PRDM16: variants seen among roughly 807,000 people sequenced by gnomAD.
PRDM16 encodes the protein histone-lysine N-methyltransferase PRDM16.
PRDM16 carries 23 observed loss-of-function variants against 110.6 expected under a neutral mutation model. The observed-to-expected ratio is 0.21, with a 90% CI of 0.15 to 0.29. The LOEUF is 0.29. PRDM16 is among the 10% of genes least tolerant of loss of function. The pLI, the probability that PRDM16 is intolerant of heterozygous loss-of-function variation, is 1.00. For synonymous variants in PRDM16, 799 were observed against 781.8 expected (o/e 1.02, Z -0.37); for missense variants, 1,615 against 1,794.3 (o/e 0.90, Z 1.81).
intron 1 of PRDM16, among the ~76,000 whole-genome samples, chr1:3,072,645 C>T (rs112356298): frequency 6.6e-6 from 1 of 152,216 alleles, no homozygotes; most frequent in Non-Finnish European, 1.5e-5. Flanking sequence ...TGGGCCCTCC[C>T]TTCTCCCACC....
chr1:3,342,089 G>A (rs892931105), intron 3 of PRDM16, among the ~76,000 whole-genome samples: 4 of 152,186 alleles, frequency 2.6e-5, no homozygotes, highest in African/African-American at 7.2e-5. Context: ...GAGGCAGCTA[G>A]GGAAACCCAG....
intron 2 of PRDM16, among the ~76,000 whole-genome samples, chr1:3,225,647 A>G (rs1257595029): frequency 6.7e-6 from 1 of 149,974 alleles, no homozygotes; most frequent in Non-Finnish European, 1.5e-5. Context: ...AAGAATTCTA[A>G]CTTATTTTGG....
At chr1:3,268,210 G>A (rs144786608) in intron 3 of PRDM16, among the ~76,000 whole-genome samples, 1 of 152,202 alleles carries the variant, frequency 6.6e-6, no homozygotes, top group Non-Finnish European at 1.5e-5. Context: ...CCGGCTCGGC[G>A]CGCGTCAGAC....
intron 1 of PRDM16, among the ~76,000 whole-genome samples, chr1:3,171,653 C>CCCT (rs1294667504): frequency 1.3e-5 from 2 of 152,202 alleles, no homozygotes; most frequent in Non-Finnish European, 2.9e-5. Flanking sequence ...TCCTGTCCTG[C>CCCT]CCTCCTCGGG....
rs539334784 is a variant in PRDM16 at position 3,087,972 on chromosome 1, T to C, written c.37+18676T>C. ...CCTCCGTCCCCCGAGACACCCCTGC[T>C]CTTTGGCCTTGGTGCCGCCTTCTTC... is the stretch of plus-strand genomic sequence containing the variant. On this transcript the variant is annotated intron_variant, in intron 1 of 16. Coordinates refer to ENST00000270722, the MANE Select transcript of PRDM16 (RefSeq NM_022114.4). Among the ~76,000 whole-genome samples, 32 of 152,074 alleles carry C rather than the reference T, an allele frequency of 2.1e-4. No homozygotes were observed. The South Asian group carries it at 6.1e-3, about 29-fold the overall frequency.
chr1:3,089,261 A>G (rs1642219275), intron 1 of PRDM16, among the ~76,000 whole-genome samples: 1 of 152,208 alleles, frequency 6.6e-6, no homozygotes, highest in South Asian at 2.1e-4. Context: ...AACTCCTTGC[A>G]CCCAGCTCCC....
At chr1:3,408,829 T>C (rs1643612558) in intron 8 of PRDM16, among the ~76,000 whole-genome samples, 1 of 130,486 alleles carries the variant, frequency 7.7e-6, no homozygotes, top group Non-Finnish European at 1.6e-5. Flanking sequence ...CGTGAGCTGG[T>C]GCGTGTGTTG....
intron 1 of PRDM16, among the ~76,000 whole-genome samples, chr1:3,112,661 G>A (rs899386043): frequency 3.3e-5 from 5 of 152,252 alleles, no homozygotes; most frequent in Admixed American, 6.5e-5. Flanking sequence ...TGGCCGGGCC[G>A]CATTCCTGCA....
At chr1:3,241,329 A>G (rs1018853808) in intron 2 of PRDM16, among the ~76,000 whole-genome samples, 1 of 152,190 alleles carries the variant, frequency 6.6e-6, no homozygotes, top group African/African-American at 2.4e-5. Flanking sequence ...CCGTGGTTCC[A>G]CGCTGGGCTC....
At chr1:3,087,179 C>T (rs188868260) in intron 1 of PRDM16, among the ~76,000 whole-genome samples, 8 of 147,590 alleles carry the variant, frequency 5.4e-5, no homozygotes, top group East Asian at 2.0e-4. Context: ...CAGCCCCACC[C>T]GAGACCAGCC....
rs921296808 is a variant in PRDM16 at position 3,184,634 on chromosome 1, G to A, written c.38-1491G>A. Among the ~76,000 whole-genome samples, 13 of 152,298 alleles carry A rather than the reference G, an allele frequency of 8.5e-5. 1 individual carries two copies. Among genetic ancestry groups the A allele is most frequent in the East Asian group, 3.9e-4 (2 of 5,176 alleles). ...GGGGGCGATTCAGTGGCAGTGAGCC[G>A]TTCACCCAGCAGTGCGACCACCCCC... On this transcript the variant is annotated intron_variant, in intron 1 of 16. Coordinates refer to ENST00000270722, the MANE Select transcript of PRDM16 (RefSeq NM_022114.4).
chr1:3,389,139 C>T (rs894542969), intron 4 of PRDM16, among the ~76,000 whole-genome samples: 1 of 152,192 alleles, frequency 6.6e-6, no homozygotes, highest in Non-Finnish European at 1.5e-5. Flanking sequence ...GCCATGTGCT[C>T]CTCTGCAGCC....
At chr1:3,224,761 T>G (rs1025499703) in intron 2 of PRDM16, among the ~76,000 whole-genome samples, 6 of 152,230 alleles carry the variant, frequency 3.9e-5, no homozygotes, top group Non-Finnish European at 7.3e-5. Flanking sequence ...GAACCCCTAC[T>G]GTGAAGCCAG....
At chr1:3,311,795 G>C (rs1641467033) in intron 3 of PRDM16, among the ~76,000 whole-genome samples, 1 of 152,174 alleles carries the variant, frequency 6.6e-6, no homozygotes, top group African/African-American at 2.4e-5. Flanking sequence ...ATCTTTCTCA[G>C]AAGGCCCCAG....
chr1:3,150,282 A>G (rs1456255478), intron 1 of PRDM16, among the ~76,000 whole-genome samples: 2 of 152,120 alleles, frequency 1.3e-5, no homozygotes, highest in Non-Finnish European at 2.9e-5. Context: ...GGGGCCGGGC[A>G]TAGTGGGTCA....
rs940329532 is a variant in PRDM16 at position 3,338,062 on chromosome 1, GAC to G, written c.439-47087_439-47086del. Among the ~76,000 whole-genome samples, 36 of 152,182 alleles carry G rather than the reference GAC, an allele frequency of 2.4e-4. 1 individual carries two copies. The highest frequency in any genetic ancestry group is 8.2e-4 in the African/African-American group (34 of 41,438). ...ATAGACATGCACACACATTCACACA[GAC>G]ACGTGTGCATGCACACACGTGTGCA... is the stretch of plus-strand genomic sequence containing the variant. On this transcript the variant is annotated intron_variant, in intron 3 of 16. Transcript: ENST00000270722.
At chr1:3,380,036 C>A (rs986124841) in intron 3 of PRDM16, among the ~76,000 whole-genome samples, 1 of 146,480 alleles carries the variant, frequency 6.8e-6, no homozygotes, top group Non-Finnish European at 1.5e-5. Flanking sequence ...ACCATGCACC[C>A]CTCCCAACAC....
chr1:3,173,858 AGAAG>A (rs761837330), intron 1 of PRDM16, among the ~76,000 whole-genome samples: 24 of 152,080 alleles, frequency 1.6e-4, no homozygotes, highest in Admixed American at 1.1e-3. Context: ...TTCCTCTGAG[AGAAG>A]GGGGCCAACA....
chr1:3,185,093 G>A (rs1455936146), intron 1 of PRDM16, among the ~76,000 whole-genome samples: 3 of 152,214 alleles, frequency 2.0e-5, no homozygotes, highest in East Asian at 3.9e-4. Flanking sequence ...GTGAACATTC[G>A]CCTGCCTGAG....
Sources: allele counts gnomAD v4.1 joint callset (sites outside exome capture counted in the v4.1 genomes callset), GRCh38; gene constraint gnomAD v4.1.1; transcripts MANE v1.5; gene names NCBI Gene and HGNC (gene_info 2026-07-23, HGNC 2026-07-21).